MGA: variants seen among roughly 807,000 people sequenced by gnomAD.
MGA encodes MAX dimerization protein MGA.
MGA carries 40 observed loss-of-function variants against 261.1 expected under a neutral mutation model. That is an observed-to-expected ratio of 0.15 (90% CI 0.12 to 0.20). MGA has a LOEUF of 0.20. Among genes scored for constraint, MGA ranks in the 10% least tolerant of loss-of-function variants. The pLI, the probability that MGA is intolerant of heterozygous loss-of-function variation, is 1.00. For synonymous variants in MGA, 1,302 were observed against 1,290.6 expected (o/e 1.01, Z -0.19); for missense variants, 3,397 against 3,630.5 (o/e 0.94, Z 1.65).
At chr15:41,758,618 A>G (rs1255496954) in intron 19 of MGA, among the ~76,000 whole-genome samples, 1 of 152,182 alleles carries the variant, frequency 6.6e-6, no homozygotes, top group Non-Finnish European at 1.5e-5. Context: ...TACATAATTC[A>G]TTGTTTTGTA....
chr15:41,625,500 T>C (rs2056427577), intron 1 of MGA, among the ~76,000 whole-genome samples: 1 of 151,664 alleles, frequency 6.6e-6, no homozygotes, highest in African/African-American at 2.4e-5. Context: ...GCTTGCTCCT[T>C]GGAGAGTGTT....
chr15:41,676,551 CTGGT>C (rs1389256631), intron 2 of MGA, among the ~76,000 whole-genome samples: 1 of 152,094 alleles, frequency 6.6e-6, no homozygotes, highest in East Asian at 1.9e-4. Context: ...ATCTAGAATC[CTGGT>C]TTTTTTTCTC....
intron 1 of MGA, among the ~76,000 whole-genome samples, chr15:41,641,932 A>G (rs1183025947): frequency 6.6e-6 from 1 of 151,878 alleles, no homozygotes; most frequent in Non-Finnish European, 1.5e-5. Context: ...AGTAGCTGGG[A>G]CTACAGGTGC....
Position 41,764,974 on chromosome 15 carries a change from A to G in MGA, c.7833A>G (p.Leu2611=), listed in dbSNP as rs1278179928. 6.2e-6 allele frequency: 10 copies of G among 1,613,938 alleles called. No individual in the cohort carries two copies. The highest frequency in any genetic ancestry group is 8.5e-6 in the Non-Finnish European group (10 of 1,179,902). ...AATTGCTCACCCTAAAAGGTCCCCT[A>G]TTCTCAGGACCAGTGGTAGCTGTTT... The change falls in exon 23 of 24, where the codon CTA becomes CTG. Residue 2611 remains leucine, a synonymous_variant. Coordinates refer to ENST00000219905, the MANE Select transcript of MGA (RefSeq NM_001164273.2).
intron 1 of MGA, among the ~76,000 whole-genome samples, chr15:41,625,556 A>G (rs957106226): frequency 6.6e-5 from 10 of 151,950 alleles, no homozygotes; most frequent in Non-Finnish European, 1.3e-4. Flanking sequence ...TCTACGAGAA[A>G]TACAAAAATC....
At chr15:41,706,364 C>G (rs2060113378) in intron 5 of MGA, among the ~76,000 whole-genome samples, 1 of 149,678 alleles carries the variant, frequency 6.7e-6, no homozygotes, top group Non-Finnish European at 1.5e-5. Flanking sequence ...CTTCCCACCT[C>G]AGCTTTCCAA....
At position 41,750,006 on chromosome 15, in the gene MGA, C is replaced by A. The variant is rs1226921120; in HGVS notation, c.6399C>A (p.Thr2133=). ...AAAACTCAAGTGAATTTCCAGTCAC[C>A]TTTAAGGAAGAAAGTAAATTTGAAT... Residue 2133 remains threonine (T), a synonymous_variant, in exon 17 of 24, where the codon ACC becomes ACA. Transcript: ENST00000219905. 6.2e-7 allele frequency: 1 copy of A among 1,612,912 alleles called. No homozygotes were observed. The highest frequency in any genetic ancestry group is 8.5e-7 in the Non-Finnish European group (1 of 1,179,666).
rs1193666482 is a variant in MGA at position 41,754,484 on chromosome 15, T to C, written c.7056T>C (p.Ile2352=). Residue 2352 remains isoleucine (I), a synonymous_variant, in exon 18 of 24, where the codon ATT becomes ATC. Transcript: ENST00000219905. ...AGGATGATGAGGAGCACGTGGACATTGAGACTGTAGAAGAGCTCTCAGAGG... is the reference window on the plus strand; with the variant it reads ...AGGATGATGAGGAGCACGTGGACATCGAGACTGTAGAAGAGCTCTCAGAGG... The C allele has an allele frequency of 6.4e-7, 1 of 1,565,382 alleles. No individual in the cohort carries two copies. The highest frequency in any genetic ancestry group is 8.7e-7 in the Non-Finnish European group (1 of 1,153,272).
chr15:41,738,869 T>G (rs2061938520), intron 13 of MGA, among the ~76,000 whole-genome samples: 1 of 152,210 alleles, frequency 6.6e-6, no homozygotes, highest in Non-Finnish European at 1.5e-5. Context: ...TCTTGATCTC[T>G]GTGGGAATAA....
chr15:41,757,357 A>G (rs960861164), intron 18 of MGA, among the ~76,000 whole-genome samples: 1 of 152,210 alleles, frequency 6.6e-6, no homozygotes, highest in Non-Finnish European at 1.5e-5. Flanking sequence ...ATACAGTATA[A>G]CAACTGTTTA....
At position 41,661,767 on chromosome 15, in the gene MGA, C is replaced by T. The variant is rs373999857; in HGVS notation, c.-68+1242C>T. On this transcript the variant is annotated intron_variant, in intron 1 of 23. Transcript: ENST00000219905. ...TTCGTTCTTTTTGGGCACGATGCCG[C>T]GGCTAGGCTGCAGGGAAAGTGCCTG... Among the ~76,000 whole-genome samples, 705 of 152,136 alleles carry T rather than the reference C, an allele frequency of 4.6e-3. 5 individuals carry two copies. Among genetic ancestry groups the T allele is most frequent in the Non-Finnish European group, 7.7e-3 (523 of 67,994 alleles).
upstream of MGA, among the ~76,000 whole-genome samples, chr15:41,656,377 T>TCTCTCTCTCTCTCTCTCTCACA (rs1555403733): frequency 5.6e-3 from 378 of 67,946 alleles, 11 homozygotes; most frequent in Middle Eastern, 9.4e-3. Context: ...TCTCTCTCTC[T>TCTCTCTCTCTCTCTCTCTCACA]CACACCCAGG....
intron 2 of MGA, among the ~76,000 whole-genome samples, chr15:41,673,059 G>A (rs1435547161): frequency 6.6e-6 from 1 of 151,756 alleles, no homozygotes; most frequent in Non-Finnish European, 1.5e-5. Flanking sequence ...TGCTTCCTTG[G>A]CTTTTACCAT....
At chr15:41,661,744 C>A (rs1452770668) in intron 1 of MGA, among the ~76,000 whole-genome samples, 4 of 152,136 alleles carry the variant, frequency 2.6e-5, no homozygotes, top group African/African-American at 9.7e-5. Context: ...TTGCTCTGTT[C>A]GTTCTTTTTG....
At chr15:41,659,264 T>C (rs1177619613), upstream of MGA, among the ~76,000 whole-genome samples, 3 of 152,224 alleles carry the variant, frequency 2.0e-5, no homozygotes, top group Non-Finnish European at 4.4e-5. Flanking sequence ...TAGAGAAATA[T>C]GACCTTCCTA....
intron 15 of MGA, among the ~76,000 whole-genome samples, chr15:41,744,490 C>T (rs887628989): frequency 6.6e-6 from 1 of 152,184 alleles, no homozygotes; most frequent in Non-Finnish European, 1.5e-5. Flanking sequence ...GCCACCACGT[C>T]CGGCTTGTGA....
chr15:41,692,386 C>G (rs914621540), intron 2 of MGA, among the ~76,000 whole-genome samples: 1 of 152,134 alleles, frequency 6.6e-6, no homozygotes, highest in African/African-American at 2.4e-5. Context: ...TTGGGGTCCT[C>G]GAGATTCTGC....
intron 2 of MGA, among the ~76,000 whole-genome samples, chr15:41,670,806 G>A (rs1051867747): frequency 1.1e-4 from 16 of 151,448 alleles, no homozygotes; most frequent in Admixed American, 6.6e-4. Context: ...GTGCCCGGCC[G>A]TAAGCAATAC....
At chr15:41,700,933 C>T (rs539516596) in intron 5 of MGA, among the ~76,000 whole-genome samples, 83 of 152,208 alleles carry the variant, frequency 5.5e-4, no homozygotes, top group African/African-American at 1.8e-3. Context: ...CTGGTCATTC[C>T]GTTTCTAAAT....
Sources: allele counts gnomAD v4.1 joint callset (sites outside exome capture counted in the v4.1 genomes callset), GRCh38; gene constraint gnomAD v4.1.1; transcripts MANE v1.5; gene names NCBI Gene and HGNC (gene_info 2026-07-23, HGNC 2026-07-21).